The following ARHGAP44 variants were observed in gnomAD, a reference collection of about 807,000 sequenced individuals.
ARHGAP44 encodes rho GTPase-activating protein 44.
In ARHGAP44, 43 loss-of-function variants were observed where a neutral mutation model predicts 106.8. The ratio of observed to expected loss-of-function variants is 0.40; its 90% confidence interval spans 0.32 to 0.52. ARHGAP44 has a LOEUF of 0.52. Among genes scored for constraint, ARHGAP44 ranks in the 20% least tolerant of loss-of-function variants. The pLI is 0.48. For missense variants in ARHGAP44, 866 were observed against 1,050.5 expected (o/e 0.82, Z 2.43); for synonymous variants, 439 against 410.3 (o/e 1.07, Z -0.85).
At chr17:12,936,600 G>A (rs999423651) in intron 7 of ARHGAP44, among the ~76,000 whole-genome samples, 1 of 152,200 alleles carries the variant, frequency 6.6e-6, no homozygotes, top group Non-Finnish European at 1.5e-5. Context: ...CCTACTGAAG[G>A]ACATTTTTGT....
intron 1 of ARHGAP44, among the ~76,000 whole-genome samples, chr17:12,861,027 T>C (rs2150866189): frequency 6.6e-6 from 1 of 152,124 alleles, no homozygotes; most frequent in South Asian, 2.1e-4. Flanking sequence ...CAGCTAACTT[T>C]TGTATTTTTG....
chr17:12,803,781 A>T (rs3785736), intron 1 of ARHGAP44, among the ~76,000 whole-genome samples: 17,192 of 152,150 alleles, frequency 0.11, 1,252 homozygotes, highest in East Asian at 0.25. Context: ...TGAAGAATGT[A>T]ATTTTCCTTT....
intron 4 of ARHGAP44, among the ~76,000 whole-genome samples, chr17:12,911,501 C>T (rs926717166): frequency 9.2e-5 from 14 of 152,174 alleles, no homozygotes; most frequent in South Asian, 6.2e-4. Context: ...AATTACATCA[C>T]GTAATGCTTA....
At chr17:12,874,404 C>G (rs2036493065) in intron 1 of ARHGAP44, among the ~76,000 whole-genome samples, 1 of 152,090 alleles carries the variant, frequency 6.6e-6, no homozygotes, top group Non-Finnish European at 1.5e-5. Context: ...AACAAGGTAA[C>G]AGAGCCTGCC....
intron 1 of ARHGAP44, among the ~76,000 whole-genome samples, chr17:12,815,973 G>A (rs528942532): frequency 2.0e-5 from 3 of 152,258 alleles, no homozygotes; most frequent in Admixed American, 2.0e-4. Flanking sequence ...ATGCTGGGGA[G>A]ACTGGGCTTT....
At chr17:12,914,920 G>T (rs757044471) in intron 4 of ARHGAP44, among the ~76,000 whole-genome samples, 10 of 152,104 alleles carry the variant, frequency 6.6e-5, no homozygotes, top group Non-Finnish European at 1.5e-4. Context: ...ATTATATATT[G>T]TATGGGGACA....
At position 12,949,074 on chromosome 17, in the gene ARHGAP44, G is replaced by A. The variant is rs1486905050; in HGVS notation, c.862-66G>A. On this transcript the variant is annotated intron_variant, in intron 10 of 20. Transcript: ENST00000379672. The surrounding 1 kb of genome is among the most constrained non-coding windows in gnomAD (Gnocchi z 4.1). ...TTGGAGAAAAGAAGCAGGCAGTTGC[G>A]GGGTCTCTGCGCTTTGATGTTGTAC... The A allele has an allele frequency of 8.4e-6, 12 of 1,431,558 alleles. No homozygotes were observed. The highest frequency in any genetic ancestry group is 1.7e-4 in the Middle Eastern group (1 of 5,814). The allele number at this position is 1,431,558 out of a possible 1,614,324, so 88.7% of individuals were successfully genotyped here.
chr17:12,931,606 C>T (rs1430695512), intron 7 of ARHGAP44, among the ~76,000 whole-genome samples: 1 of 151,766 alleles, frequency 6.6e-6, no homozygotes, highest in South Asian at 2.1e-4. Flanking sequence ...ACACCATTCT[C>T]CTGCCTCAGC....
In ARHGAP44 at chr17:12,871,993, G is replaced by A. The variant is rs541076833; in HGVS notation, c.54-22947G>A. ...GTCTCAGGTATTTCTTTATAGCCAT[G>A]TGAGAAAGGACAAATACACATCCCC... is the stretch of plus-strand genomic sequence containing the variant. On this transcript the variant is annotated intron_variant, in intron 1 of 20. Coordinates refer to ENST00000379672, the MANE Select transcript of ARHGAP44 (RefSeq NM_014859.6). Among the ~76,000 whole-genome samples, 8 of 152,120 alleles carry A rather than the reference G, an allele frequency of 5.3e-5. No homozygotes were observed. In the South Asian group the frequency reaches 1.0e-3, roughly 20 times the overall value.
chr17:12,873,906 AAAATAAATAAATAAATAAATAAACAAAT>A (rs1029989195), intron 1 of ARHGAP44, among the ~76,000 whole-genome samples: 2 of 52,126 alleles, frequency 3.8e-5, no homozygotes, highest in African/African-American at 9.4e-5. Context: ...TCAGTCTCAA[AAAATAAATAAATAAATAAATAAACAAAT>A]AAATAAATAA....
chr17:12,906,362 G>A (rs889760149), intron 3 of ARHGAP44, among the ~76,000 whole-genome samples: 3 of 152,050 alleles, frequency 2.0e-5, no homozygotes, highest in African/African-American at 7.2e-5. Context: ...GTCAGATCCC[G>A]CAGGTTAAGG....
chr17:12,984,964 T>TA, intron 20 of ARHGAP44, 56 bp downstream of exon 20: 1 of 1,539,976 alleles, frequency 6.5e-7, no homozygotes, highest in Non-Finnish European at 8.7e-7. Flanking sequence ...GAAATGTGCC[T>TA]AGGGGAGGGA....
At chr17:12,852,645 C>T (rs1421274927) in intron 1 of ARHGAP44, among the ~76,000 whole-genome samples, 1 of 151,504 alleles carries the variant, frequency 6.6e-6, no homozygotes, top group African/African-American at 2.4e-5. Context: ...GGGTTCACGC[C>T]GTTCTCCTGC....
chr17:12,942,312 A>G (rs2038732443), intron 8 of ARHGAP44, among the ~76,000 whole-genome samples: 1 of 152,096 alleles, frequency 6.6e-6, no homozygotes, highest in Admixed American at 6.6e-5. Flanking sequence ...ATGCCCAGCT[A>G]ATTTTTGTAT....
At position 12,896,481 on chromosome 17, in the gene ARHGAP44, C is replaced by T. The variant is rs758330878; in HGVS notation, c.168C>T (p.Gly56=). The T allele has an allele frequency of 3.7e-6, 6 of 1,608,588 alleles. No individual in the cohort carries two copies. The South Asian group carries it at 5.6e-5, about 15-fold the overall frequency. ...THKKLTACLQ[G]QQGAEADKRS... ...AGAAGCTCACCGCATGTCTGCAGGG[C>T]CAGCAAGGGGCAGAGGCTGACAAGC... Residue 56 remains glycine (G), a synonymous_variant, in exon 3 of 21, where the codon GGC becomes GGT. Coordinates refer to ENST00000379672, the MANE Select transcript of ARHGAP44 (RefSeq NM_014859.6).
chr17:12,968,990 C>T (rs898268230), intron 16 of ARHGAP44, among the ~76,000 whole-genome samples: 7 of 151,998 alleles, frequency 4.6e-5, no homozygotes, highest in Admixed American at 2.0e-4. Flanking sequence ...AGGATGGTCT[C>T]GATCTCCTGA....
intron 3 of ARHGAP44, among the ~76,000 whole-genome samples, chr17:12,898,628 C>T (rs894298203): frequency 3.3e-5 from 5 of 152,178 alleles, no homozygotes; most frequent in African/African-American, 7.2e-5. Context: ...TCCAGCTCCA[C>T]GCATCACATC....
chr17:12,944,904 C>A (rs2038811058), intron 10 of ARHGAP44, among the ~76,000 whole-genome samples: 1 of 152,058 alleles, frequency 6.6e-6, no homozygotes, highest in Non-Finnish European at 1.5e-5. Context: ...AAGGTTAAGG[C>A]TCTTAAACTT....
chr17:12,909,267 C>A (rs1331734409), intron 4 of ARHGAP44, among the ~76,000 whole-genome samples: 1 of 152,018 alleles, frequency 6.6e-6, no homozygotes, highest in Non-Finnish European at 1.5e-5. Flanking sequence ...TCAGAACTTA[C>A]GAGATTCTCA....
Sources: gnomAD v4.1 joint callset for allele counts (sites outside exome capture counted in the v4.1 genomes callset) on GRCh38, gnomAD v4.1.1 for gene constraint, Gnocchi (gnomAD v3.1) non-coding constraint, MANE v1.5 for transcripts, NCBI Gene and HGNC (gene_info 2026-07-23, HGNC 2026-07-21) for gene names.